LRRTM4: variants seen among roughly 807,000 people sequenced by gnomAD.
The protein encoded by LRRTM4 is leucine-rich repeat transmembrane neuronal protein 4.
A neutral mutation model predicts 47.6 loss-of-function variants in LRRTM4; 25 were observed. That is an observed-to-expected ratio of 0.53 (90% confidence interval 0.38 to 0.73). The LOEUF is 0.73. Among genes scored for constraint, LRRTM4 ranks in the 30% least tolerant of loss-of-function variants. The pLI, the probability that LRRTM4 is intolerant of heterozygous loss-of-function variation, is 0.00. For missense variants in LRRTM4, 638 were observed against 713.4 expected (o/e 0.89, Z 1.20); for synonymous variants, 311 against 269.5 (o/e 1.15, Z -1.51).
intron 3 of LRRTM4, among the ~76,000 whole-genome samples, chr2:77,260,094 A>T (rs1210117141): frequency 6.6e-6 from 1 of 152,072 alleles, no homozygotes; most frequent in Non-Finnish European, 1.5e-5. Context: ...AACTAGCAAG[A>T]TACAATTCTG....
At chr2:77,283,341 C>T (rs1009549975) in intron 3 of LRRTM4, among the ~76,000 whole-genome samples, 14 of 151,804 alleles carry the variant, frequency 9.2e-5, no homozygotes, top group African/African-American at 2.9e-4. Context: ...TCTGGTGGGG[C>T]TGCAGAGAAA....
intron 3 of LRRTM4, among the ~76,000 whole-genome samples, chr2:76,941,428 T>C (rs1675138976): frequency 6.6e-6 from 1 of 152,166 alleles, no homozygotes. Context: ...GCCCGTCATC[T>C]ACATTAGGTA....
intron 3 of LRRTM4, among the ~76,000 whole-genome samples, chr2:77,049,149 T>TAG: frequency 7.4e-6 from 1 of 135,414 alleles, no homozygotes; most frequent in South Asian, 2.3e-4. Flanking sequence ...TATATATATA[T>TAG]ATATATATAC....
intron 3 of LRRTM4, among the ~76,000 whole-genome samples, chr2:77,122,738 C>T (rs907175661): frequency 1.3e-5 from 2 of 151,584 alleles, no homozygotes; most frequent in Non-Finnish European, 3.0e-5. Context: ...AAATAAATTA[C>T]AGAACATCAT....
intron 3 of LRRTM4, among the ~76,000 whole-genome samples, chr2:76,898,977 T>C (rs922100820): frequency 6.6e-6 from 1 of 152,034 alleles, no homozygotes; most frequent in African/African-American, 2.4e-5. Context: ...TACAAGGATG[T>C]TCTCTTTGAT....
intron 3 of LRRTM4, among the ~76,000 whole-genome samples, chr2:76,797,414 C>T (rs559869329): frequency 6.6e-6 from 1 of 151,902 alleles, no homozygotes; most frequent in Non-Finnish European, 1.5e-5. Flanking sequence ...CAAGCAAATG[C>T]TGAGAGATTT....
At chr2:76,785,046 T>A (rs961462907) in intron 3 of LRRTM4, among the ~76,000 whole-genome samples, 1 of 152,278 alleles carries the variant, frequency 6.6e-6, no homozygotes, top group East Asian at 1.9e-4. Flanking sequence ...ATAATATGAC[T>A]GTATGAACAT....
intron 3 of LRRTM4, among the ~76,000 whole-genome samples, chr2:77,432,016 G>A (rs1675398129): frequency 6.6e-6 from 1 of 152,170 alleles, no homozygotes; most frequent in East Asian, 1.9e-4. Context: ...AGAGGTTGCA[G>A]TGAGCCTAGA....
intron 3 of LRRTM4, among the ~76,000 whole-genome samples, chr2:76,820,985 G>C (rs1376737289): frequency 6.6e-6 from 1 of 151,590 alleles, no homozygotes; most frequent in African/African-American, 2.4e-5. Context: ...AAATTAAACT[G>C]GTTATATGTT....
chr2:77,090,078 T>C (rs565108563), intron 3 of LRRTM4, among the ~76,000 whole-genome samples: 148 of 152,190 alleles, frequency 9.7e-4, no homozygotes, highest in Admixed American at 1.7e-3. Context: ...CAGGCTGAGC[T>C]AGGTCCCAAT....
At chr2:76,858,762 TTAAA>T (rs1294633248) in intron 3 of LRRTM4, among the ~76,000 whole-genome samples, 10 of 152,218 alleles carry the variant, frequency 6.6e-5, no homozygotes, top group Non-Finnish European at 1.5e-4. Flanking sequence ...CTCTATCACC[TTAAA>T]TATTTTATTG....
At chr2:77,252,073 T>C (rs1675632711) in intron 3 of LRRTM4, among the ~76,000 whole-genome samples, 1 of 152,318 alleles carries the variant, frequency 6.6e-6, no homozygotes, top group African/African-American at 2.4e-5. Flanking sequence ...TCATTGGTTC[T>C]GATGAAAAGT....
chr2:76,833,979 C>G (rs1259385255), intron 3 of LRRTM4, among the ~76,000 whole-genome samples: 4 of 150,916 alleles, frequency 2.7e-5, no homozygotes, highest in Admixed American at 1.3e-4. Context: ...TGAATGATAA[C>G]CAGGACTTAG....
At chr2:76,979,533 G>T (rs946090420) in intron 3 of LRRTM4, among the ~76,000 whole-genome samples, 1 of 89,616 alleles carries the variant, frequency 1.1e-5, no homozygotes, top group Non-Finnish European at 2.1e-5. Context: ...CTGCAAAACT[G>T]AATTTCTGTA....
intron 3 of LRRTM4, among the ~76,000 whole-genome samples, chr2:76,801,671 A>T (rs1473729848): frequency 6.6e-6 from 1 of 152,038 alleles, no homozygotes; most frequent in East Asian, 1.9e-4. Flanking sequence ...TAATAAAAAA[A>T]AAAGAAAAGT....
intron 3 of LRRTM4, among the ~76,000 whole-genome samples, chr2:77,329,034 C>T (rs1002517750): frequency 6.6e-6 from 1 of 152,062 alleles, no homozygotes; most frequent in Non-Finnish European, 1.5e-5. Context: ...GCGTCTTGTC[C>T]GAGATGGCTG....
intron 3 of LRRTM4, among the ~76,000 whole-genome samples, chr2:76,951,334 T>G (rs555515893): frequency 2.0e-5 from 3 of 152,140 alleles, no homozygotes. Flanking sequence ...GGATGGCTTC[T>G]CTTTCAGTCA....
At chr2:77,439,291 T>C (rs1675738189) in intron 3 of LRRTM4, among the ~76,000 whole-genome samples, 1 of 152,248 alleles carries the variant, frequency 6.6e-6, no homozygotes, top group South Asian at 2.1e-4. Context: ...ATATTTTTCT[T>C]CTTCCTCCCT....
Position 77,434,831 on chromosome 2 carries a change from T to A in LRRTM4, c.1551+83487A>T, listed in dbSNP as rs975639057. On this transcript the variant is annotated intron_variant, in intron 3 of 3. Transcript: ENST00000409884. ...AATTCAAATATATTCACACCAATTA[T>A]CCTACCCTTAGTAATTACACCAAAT... is the stretch of plus-strand genomic sequence containing the variant. Among the ~76,000 whole-genome samples the A allele has an allele frequency of 2.0e-5, 3 of 152,294 alleles. No individual in the cohort carries two copies. In the East Asian group the frequency reaches 5.8e-4, roughly 29 times the overall value.
Sources: allele counts gnomAD v4.1 joint callset (sites outside exome capture counted in the v4.1 genomes callset), GRCh38; gene constraint gnomAD v4.1.1; transcripts MANE v1.5; gene names NCBI Gene and HGNC (gene_info 2026-07-23, HGNC 2026-07-21).